The following CNOT1 variants were observed in gnomAD, a reference collection of about 807,000 sequenced individuals.
The protein encoded by CNOT1 is CCR4-associated factor 1.
Under a neutral mutation model 273.8 loss-of-function variants are expected in CNOT1, and 15 were observed. The observed-to-expected ratio is 0.05, with a 90% CI of 0.04 to 0.08. The LOEUF (loss-of-function observed/expected upper bound fraction) is 0.08, where lower values mean the gene tolerates loss of function less well. Ranked by LOEUF, CNOT1 falls within the 10% of genes least tolerant of loss-of-function variation. The pLI, the probability that CNOT1 is intolerant of heterozygous loss-of-function variation, is 1.00. For missense variants in CNOT1, 1,644 were observed against 2,912.2 expected, an observed-to-expected ratio of 0.56 and a Z score of 10.02; for synonymous variants, 1,022 against 1,005.5, an observed-to-expected ratio of 1.02 and a Z score of -0.31.
intron 46 of CNOT1, 128 bp downstream of exon 46, chr16:58,525,051 C>G (rs2039540364): frequency 2.4e-6 from 2 of 831,772 alleles, no homozygotes; most frequent in Admixed American, 4.4e-5. Context: ...TCAGCTAGAC[C>G]TGTGAATAAA....
intron 10 of CNOT1, among the ~76,000 whole-genome samples, chr16:58,582,544 A>G (rs1187445658): frequency 2.0e-5 from 3 of 152,226 alleles, no homozygotes; most frequent in African/African-American, 7.2e-5. Context: ...AAGTGGCAAG[A>G]TAATTATGAT....
chr16:58,584,656 T>A (rs1282262544), intron 8 of CNOT1, among the ~76,000 whole-genome samples: 1 of 152,118 alleles, frequency 6.6e-6, no homozygotes, highest in African/African-American at 2.4e-5. Context: ...TCACTATGCA[T>A]CTTATTCAGT....
chr16:58,550,267 G>C lies in CNOT1; in HGVS notation c.3343-369C>G, dbSNP rs186014088. 3.9e-5 allele frequency among the ~76,000 whole-genome samples: 6 copies of C among 152,256 alleles called. No individual in the cohort carries two copies. In the East Asian group the frequency reaches 1.2e-3, roughly 29 times the overall value. ...TGTTTTCCTAAATTTCCATCTACAG[G>C]AATCCTTAGCTAACTCTGGCGTTTC... On this transcript the variant is annotated intron_variant, in intron 24 of 48. Transcript: ENST00000317147.
chr16:58,579,355 A>G (rs1208490935), intron 12 of CNOT1, among the ~76,000 whole-genome samples: 1 of 152,226 alleles, frequency 6.6e-6, no homozygotes, highest in Non-Finnish European at 1.5e-5. Flanking sequence ...ATTCTCAATC[A>G]TAGAAATTTT....
intron 47 of CNOT1, among the ~76,000 whole-genome samples, chr16:58,522,257 A>G (rs2039419202): frequency 7.4e-6 from 1 of 134,276 alleles, no homozygotes; most frequent in African/African-American, 2.6e-5. Flanking sequence ...AAAAAAAAAA[A>G]AAAAAAAAAA....
intron 46 of CNOT1, among the ~76,000 whole-genome samples, chr16:58,524,393 G>T (rs557495475): frequency 8.6e-5 from 13 of 151,882 alleles, no homozygotes; most frequent in African/African-American, 3.1e-4. Flanking sequence ...GTTTGCCTCT[G>T]CTTGACATTA....
At chr16:58,612,603 G>A (rs906912172) in intron 1 of CNOT1, among the ~76,000 whole-genome samples, 7 of 152,130 alleles carry the variant, frequency 4.6e-5, no homozygotes, top group African/African-American at 1.7e-4. Context: ...GCCAGGCATG[G>A]TGGCATGCAC....
intron 16 of CNOT1, among the ~76,000 whole-genome samples, chr16:58,561,628 T>G (rs1185370266): frequency 6.6e-6 from 1 of 152,124 alleles, no homozygotes; most frequent in Non-Finnish European, 1.5e-5. Context: ...ATCCCAAATC[T>G]GAGAATCTGA....
intron 1 of CNOT1, among the ~76,000 whole-genome samples, chr16:58,614,085 C>G (rs1163504188): frequency 1.3e-5 from 1 of 79,338 alleles, no homozygotes; most frequent in East Asian, 2.5e-4. Flanking sequence ...GGGCGAGACA[C>G]TGTCTCAAAA....
chr16:58,560,704 C>T (rs1045645024), intron 16 of CNOT1, among the ~76,000 whole-genome samples: 2 of 152,086 alleles, frequency 1.3e-5, no homozygotes, highest in Non-Finnish European at 2.9e-5. Context: ...ATAGCGAGAC[C>T]CCATGTCTAC....
chr16:58,560,480 T>A (rs2040796399), intron 16 of CNOT1, 118 bp from the exon 17 acceptor site: 2 of 1,452,786 alleles, frequency 1.4e-6, no homozygotes, highest in African/African-American at 2.9e-5. Flanking sequence ...TCACCCAGAC[T>A]GGAGTGCAGT....
chr16:58,522,476 C>T (rs755938643), intron 47 of CNOT1, among the ~76,000 whole-genome samples: 7 of 148,080 alleles, frequency 4.7e-5, no homozygotes, highest in East Asian at 2.0e-4. Context: ...GTACACAAAT[C>T]AAAGGAATAC....
chr16:58,521,458 A>T (rs1160296886), intron 47 of CNOT1, 141 bp from the exon 48 acceptor site: 1 of 762,976 alleles, frequency 1.3e-6, no homozygotes, highest in African/African-American at 1.8e-5. Context: ...CAGGTGGATT[A>T]ATATACTCCA....
In CNOT1 at chr16:58,547,065, G is replaced by T; in HGVS notation, c.3750+121C>A. Reference sequence around the variant, plus strand: ...TCAAATTGGAAATCCAAGTGCCATAGAGGAAAACAGACTTAACTAGCTTTA... The same window carrying T: ...TCAAATTGGAAATCCAAGTGCCATATAGGAAAACAGACTTAACTAGCTTTA... On this transcript the variant is annotated intron_variant, in intron 27 of 48. Coordinates refer to ENST00000317147, the MANE Select transcript of CNOT1 (RefSeq NM_016284.5). This position sits in a 1 kb window ranked among gnomAD's most constrained non-coding sequence, Gnocchi z 4.0. 7.4e-7 allele frequency: 1 copy of T among 1,346,352 alleles called. No individual in the cohort carries two copies. The highest frequency in any genetic ancestry group is 9.9e-7 in the Non-Finnish European group (1 of 1,006,564). The allele number at this position is 1,346,352 out of a possible 1,614,324, so 83.4% of individuals were successfully genotyped here.
At chr16:58,573,475 CA>C (rs2041352502) in intron 16 of CNOT1, among the ~76,000 whole-genome samples, 1 of 139,916 alleles carries the variant, frequency 7.1e-6, no homozygotes. Context: ...GGCTGTTTTG[CA>C]ATTTTTTTTT....
At chr16:58,532,679 C>T (rs955307394) in intron 40 of CNOT1, 4 of 373,632 alleles carry the variant, frequency 1.1e-5, no homozygotes, top group Non-Finnish European at 1.9e-5. Flanking sequence ...ATCAGCAAGG[C>T]CCCTCACATT....
chr16:58,521,405 T>G, intron 47 of CNOT1, 88 bp from the exon 48 acceptor site: 1 of 1,373,602 alleles, frequency 7.3e-7, no homozygotes, highest in African/African-American at 1.5e-5. Context: ...AACTTCTCCC[T>G]GACTATTGAA....
Position 58,549,912 on chromosome 16 carries a change from A to T in CNOT1, c.3343-14T>A. On this transcript the variant is annotated splice_polypyrimidine_tract_variant and intron_variant, in intron 24 of 48. Transcript: ENST00000317147. ...TAGCTCTTCAACCTAGCCGGTCAATACGACATGGGAAGCACAGAATTACAC... is the reference window on the plus strand; with the variant it reads ...TAGCTCTTCAACCTAGCCGGTCAATTCGACATGGGAAGCACAGAATTACAC... 2 of 1,613,214 alleles carry T rather than the reference A, an allele frequency of 1.2e-6. No individual in the cohort carries two copies. The highest frequency in any genetic ancestry group is 1.7e-6 in the Non-Finnish European group (2 of 1,179,784).
Position 58,583,229 on chromosome 16 carries a change from C to A in CNOT1, c.807-47G>T, listed in dbSNP as rs767865190. ...AGAAAAATGCTACCAGCCTCAACAC[C>A]GAGATTGAGAAATTCTGGCATTAAA... On this transcript the variant is annotated intron_variant, in intron 8 of 48. Coordinates refer to ENST00000317147, the MANE Select transcript of CNOT1 (RefSeq NM_016284.5). 5.6e-6 allele frequency: 9 copies of A among 1,595,412 alleles called. No homozygotes were observed. In the African/African-American group the frequency reaches 9.5e-5, roughly 17 times the overall value.
Sources: allele counts gnomAD v4.1 joint callset (sites outside exome capture counted in the v4.1 genomes callset), GRCh38; gene constraint gnomAD v4.1.1; non-coding constraint Gnocchi (gnomAD v3.1); transcripts MANE v1.5; gene names NCBI Gene and HGNC (gene_info 2026-07-23, HGNC 2026-07-21).